SYT16: variants seen among roughly 807,000 people sequenced by gnomAD.
SYT16 encodes the protein synaptotagmin-16.
SYT16 carries 42 observed loss-of-function variants against 61.4 expected under a neutral mutation model. The ratio of observed to expected loss-of-function variants is 0.68; its 90% CI spans 0.53 to 0.89. The LOEUF is 0.89. SYT16 is among the 40% of genes least tolerant of loss of function. SYT16 has a pLI of 0.00. For synonymous variants in SYT16, 314 were observed against 302.3 expected, an observed-to-expected ratio of 1.04 and a Z score of -0.40; for missense variants, 804 against 807.3, an observed-to-expected ratio of 1.00 and a Z score of 0.05.
At chr14:61,982,049 CTG>C (rs1323436152) in intron 2 of SYT16, among the ~76,000 whole-genome samples, 4 of 152,176 alleles carry the variant, frequency 2.6e-5, no homozygotes, top group Non-Finnish European at 5.9e-5. Flanking sequence ...TTACCAATGA[CTG>C]TGTAACATAT....
intron 1 of SYT16, among the ~76,000 whole-genome samples, chr14:61,941,315 G>C (rs886643222): frequency 2.0e-5 from 3 of 152,164 alleles, no homozygotes; most frequent in African/African-American, 7.2e-5. Context: ...CAGATTCACA[G>C]CTCTACCATT....
rs551254013 is a variant in SYT16 at position 61,867,302 on chromosome 14, T to C, written c.-325+54492T>C. 1.2e-4 allele frequency among the ~76,000 whole-genome samples: 19 copies of C among 152,254 alleles called. No homozygotes were observed. The East Asian group carries it at 2.3e-3, about 19-fold the overall frequency. The stretch of plus-strand genomic sequence containing the variant: ...CTGTGAATAAATTCTTCCTGGATTT[T>C]CTTGTTTGTACGTTAAAATTTGTTG... On this transcript the variant is annotated intron_variant, in intron 1 of 7. Transcript: ENST00000683842.
At chr14:61,965,402 T>C (rs2051275758) in intron 1 of SYT16, among the ~76,000 whole-genome samples, 1 of 152,138 alleles carries the variant, frequency 6.6e-6, no homozygotes. Context: ...AATTAATAGA[T>C]TCCGGAAGAA....
At chr14:62,016,719 G>T (rs1046771430) in intron 3 of SYT16, among the ~76,000 whole-genome samples, 1 of 151,156 alleles carries the variant, frequency 6.6e-6, no homozygotes, top group Non-Finnish European at 1.5e-5. Flanking sequence ...TCTCAAAAAA[G>T]AAAAAAAATA....
chr14:61,904,478 G>T (rs1343088328), intron 1 of SYT16, among the ~76,000 whole-genome samples: 1 of 152,132 alleles, frequency 6.6e-6, no homozygotes, highest in Non-Finnish European at 1.5e-5. Flanking sequence ...GTTTCTTAAT[G>T]GTCACTTCAT....
chr14:62,029,950 G>T (rs1417273683), intron 3 of SYT16, among the ~76,000 whole-genome samples: 1 of 152,052 alleles, frequency 6.6e-6, no homozygotes, highest in Non-Finnish European at 1.5e-5. Context: ...CTTCCCAGAT[G>T]GTAGTTCTGA....
At chr14:62,047,417 C>T (rs545158830) in intron 3 of SYT16, among the ~76,000 whole-genome samples, 1 of 152,280 alleles carries the variant, frequency 6.6e-6, no homozygotes, top group East Asian at 1.9e-4. Context: ...ATGTCATCTG[C>T]AAACAGGGAC....
At chr14:61,898,403 G>C (rs543324345) in intron 1 of SYT16, among the ~76,000 whole-genome samples, 5 of 152,284 alleles carry the variant, frequency 3.3e-5, no homozygotes, top group Admixed American at 1.3e-4. Flanking sequence ...TTGAGCGTTG[G>C]GGTTGTGGGA....
chr14:62,049,035 A>ATC (rs2055139402), intron 3 of SYT16, among the ~76,000 whole-genome samples: 2 of 152,042 alleles, frequency 1.3e-5, no homozygotes, highest in Non-Finnish European at 2.9e-5. Flanking sequence ...TATCCTTGTG[A>ATC]AATTTCTGTC....
At chr14:61,974,029 C>A (rs1007123710) in intron 2 of SYT16, among the ~76,000 whole-genome samples, 28 of 152,286 alleles carry the variant, frequency 1.8e-4, no homozygotes, top group Admixed American at 1.6e-3. Context: ...TGGCAGGAGA[C>A]TGCCTCACTG....
chr14:61,957,139 A>G (rs1356383177), intron 1 of SYT16, among the ~76,000 whole-genome samples: 1 of 151,788 alleles, frequency 6.6e-6, no homozygotes, highest in Admixed American at 6.6e-5. Context: ...ACTGATTTTT[A>G]TATGTTAATT....
At chr14:61,864,711 T>C (rs755375847) in intron 1 of SYT16, among the ~76,000 whole-genome samples, 15 of 152,248 alleles carry the variant, frequency 9.9e-5, no homozygotes, top group Non-Finnish European at 1.6e-4. Flanking sequence ...TATGATGTGG[T>C]GGCGACTGCT....
chr14:62,078,172 A>ATAAAC (rs2056576554), intron 5 of SYT16, among the ~76,000 whole-genome samples: 19 of 128,786 alleles, frequency 1.5e-4, no homozygotes, highest in Admixed American at 6.3e-4. Context: ...TATATATATA[A>ATAAAC]ACACACACAC....
chr14:61,995,252 G>A (rs573653812), intron 2 of SYT16, among the ~76,000 whole-genome samples: 14 of 151,944 alleles, frequency 9.2e-5, no homozygotes, highest in Non-Finnish European at 1.9e-4. Flanking sequence ...ATCTATCTTC[G>A]GGAGGTTGGA....
intron 1 of SYT16, among the ~76,000 whole-genome samples, chr14:61,831,534 CTT>C (rs368943848): frequency 1.0e-3 from 158 of 152,296 alleles, no homozygotes; most frequent in African/African-American, 3.6e-3. Context: ...TTAGTCATCT[CTT>C]TGAGTATTGT....
intron 1 of SYT16, among the ~76,000 whole-genome samples, chr14:61,856,389 A>C (rs1005862369): frequency 3.3e-5 from 5 of 152,200 alleles, no homozygotes; most frequent in Non-Finnish European, 7.3e-5. Flanking sequence ...ACACACACTT[A>C]TCTCCAATAT....
intron 5 of SYT16, chr14:62,079,332 T>C: frequency 1.7e-6 from 2 of 1,178,772 alleles, no homozygotes; most frequent in Non-Finnish European, 2.2e-6. Flanking sequence ...ATCTAAATTT[T>C]CTTGCAGGCT....
chr14:62,046,389 C>T (rs953821505), intron 3 of SYT16, among the ~76,000 whole-genome samples: 2 of 151,864 alleles, frequency 1.3e-5, no homozygotes, highest in African/African-American at 4.8e-5. Flanking sequence ...AAAATTTTCT[C>T]CCATTCTGTA....
intron 4 of SYT16, 110 bp downstream of exon 4, chr14:62,069,925 A>C: frequency 8.0e-7 from 1 of 1,253,744 alleles, no homozygotes; most frequent in Non-Finnish European, 1.1e-6. Flanking sequence ...AGAGGAAAAG[A>C]AAATGAGGCA....
Sources: gnomAD v4.1 joint callset for allele counts (sites outside exome capture counted in the v4.1 genomes callset) on GRCh38, gnomAD v4.1.1 for gene constraint, MANE v1.5 for transcripts, NCBI Gene and HGNC (gene_info 2026-07-23, HGNC 2026-07-21) for gene names.